Variants in RAD51B observed in about 807,000 individuals in gnomAD.
RAD51B encodes RAD51 paralog B, also known as DNA repair protein RAD51 homolog 2.
Under a neutral mutation model 42.2 loss-of-function variants are expected in RAD51B, and 38 were observed. The ratio of observed to expected loss-of-function variants is 0.90; its 90% confidence interval spans 0.70 to 1.18. RAD51B has a LOEUF of 1.18. RAD51B is among the 50% of genes most tolerant of loss of function. RAD51B has a pLI of 0.00. For missense variants in RAD51B, 373 were observed against 400.7 expected (o/e 0.93, Z 0.59); for synonymous variants, 154 against 145.2 (o/e 1.06, Z -0.43).
At chr14:68,408,478 C>T (rs984242812) in intron 8 of RAD51B, among the ~76,000 whole-genome samples, 1 of 152,124 alleles carries the variant, frequency 6.6e-6, no homozygotes, top group African/African-American at 2.4e-5. Flanking sequence ...GCGACAAAGG[C>T]GTAGAAACCA....
intron 7 of RAD51B, among the ~76,000 whole-genome samples, chr14:68,271,915 T>C (rs2081111883): frequency 6.6e-6 from 1 of 152,232 alleles, no homozygotes; most frequent in Non-Finnish European, 1.5e-5. Context: ...CTCCCAAATT[T>C]GCCATTTTCT....
At chr14:68,578,151 C>T (rs568996365) in intron 10 of RAD51B, among the ~76,000 whole-genome samples, 38 of 152,334 alleles carry the variant, frequency 2.5e-4, no homozygotes, top group African/African-American at 7.0e-4. Flanking sequence ...AATGGCTGGG[C>T]GCGGTGGCTC....
At chr14:68,115,542 T>TAAAAAAAA (rs368351598) in intron 7 of RAD51B, among the ~76,000 whole-genome samples, 3 of 67,988 alleles carry the variant, frequency 4.4e-5, no homozygotes, top group Admixed American at 1.7e-4. Context: ...ACTTAAAGTA[T>TAAAAAAAA]AAAAAAAAAA....
chr14:68,587,024 CA>C (rs112951347), intron 10 of RAD51B, among the ~76,000 whole-genome samples: 188 of 140,278 alleles, frequency 1.3e-3, no homozygotes, highest in Middle Eastern at 3.6e-3. Context: ...AACTCTGTCT[CA>C]AAAAAAAAAA....
chr14:68,452,293 G>A (rs2085576685), intron 9 of RAD51B, among the ~76,000 whole-genome samples: 2 of 152,134 alleles, frequency 1.3e-5, no homozygotes. Flanking sequence ...GCGCTAGATT[G>A]AAGTTACCAA....
chr14:68,680,021 GT>G lies in RAD51B; in HGVS notation c.*11+29173del, dbSNP rs142817018. Among the ~76,000 whole-genome samples the G allele has an allele frequency of 2.6e-5, 4 of 152,124 alleles. No homozygotes were observed. In the South Asian group the frequency reaches 6.2e-4, roughly 24 times the overall value. On this transcript the variant is annotated intron_variant, in intron 11 of 11. Transcript: ENST00000488612. ...AAAGACGCATTTTGGAACTTCACTG[GT>G]TTTTTTTCCATATGAGCCACTTTTT...
chr14:68,272,635 T>TTATATATATATATTTATA (rs1195340238), intron 7 of RAD51B, among the ~76,000 whole-genome samples: 1 of 19,850 alleles, frequency 5.0e-5, no homozygotes, highest in African/African-American at 2.1e-4. Context: ...TATAAACACT[T>TTATATATATATATTTATA]TATATATATA....
intron 10 of RAD51B, among the ~76,000 whole-genome samples, chr14:68,507,228 C>T (rs1885396394): frequency 6.6e-6 from 1 of 152,134 alleles, no homozygotes; most frequent in African/African-American, 2.4e-5. Context: ...TCCTTCATTG[C>T]TCCAGTGCTG....
intron 4 of RAD51B, among the ~76,000 whole-genome samples, chr14:67,859,945 C>T (rs186274459): frequency 2.2e-4 from 34 of 152,138 alleles, no homozygotes; most frequent in African/African-American, 7.5e-4. Flanking sequence ...CTCAGCCTCC[C>T]GAGGAGCTGG....
intron 5 of RAD51B, among the ~76,000 whole-genome samples, chr14:67,875,520 A>G (rs1322194827): frequency 6.6e-6 from 1 of 152,186 alleles, no homozygotes; most frequent in African/African-American, 2.4e-5. Flanking sequence ...ATTAAAGTTT[A>G]GATACAAAGA....
At chr14:68,634,353 TA>T (rs540648037) in intron 10 of RAD51B, among the ~76,000 whole-genome samples, 60 of 152,304 alleles carry the variant, frequency 3.9e-4, no homozygotes, top group Middle Eastern at 6.8e-3. Context: ...TTTTTGTACC[TA>T]AACCGAATGC....
chr14:67,869,042 A>C (rs976030947), intron 5 of RAD51B, among the ~76,000 whole-genome samples: 2 of 152,236 alleles, frequency 1.3e-5, no homozygotes, highest in African/African-American at 2.4e-5. Context: ...TCCTCCTCCA[A>C]AGGAACGCAG....
chr14:68,651,706 C>T (rs754753783), intron 11 of RAD51B, among the ~76,000 whole-genome samples: 2 of 151,962 alleles, frequency 1.3e-5, no homozygotes, highest in African/African-American at 2.4e-5. Flanking sequence ...TTGTAGGCTT[C>T]GCTTGGCACC....
intron 10 of RAD51B, among the ~76,000 whole-genome samples, chr14:68,559,120 C>CAT (rs532902022): frequency 2.1e-4 from 32 of 149,576 alleles, no homozygotes; most frequent in African/African-American, 4.2e-4. Context: ...TATATGTGTG[C>CAT]ATATATATAT....
At chr14:68,339,038 G>T (rs1234544967) in intron 8 of RAD51B, 2 of 663,628 alleles carry the variant, frequency 3.0e-6, no homozygotes, top group Non-Finnish European at 5.6e-6. Flanking sequence ...CAGCCAGCTC[G>T]ATGGGATCGA....
intron 7 of RAD51B, among the ~76,000 whole-genome samples, chr14:68,001,950 T>G (rs1358500034): frequency 6.6e-6 from 1 of 152,228 alleles, no homozygotes; most frequent in Non-Finnish European, 1.5e-5. Flanking sequence ...CTATCACTGA[T>G]GGACATTTAG....
intron 7 of RAD51B, among the ~76,000 whole-genome samples, chr14:67,974,647 A>G (rs1390160415): frequency 6.6e-6 from 1 of 152,190 alleles, no homozygotes; most frequent in Non-Finnish European, 1.5e-5. Context: ...ACTACAGTAC[A>G]TGAGACTTAT....
At chr14:68,268,430 A>T (rs1432946868) in intron 7 of RAD51B, among the ~76,000 whole-genome samples, 1 of 152,142 alleles carries the variant, frequency 6.6e-6, no homozygotes, top group Non-Finnish European at 1.5e-5. Context: ...GTTGGAAGAG[A>T]TTGAGTTTGC....
chr14:68,262,917 G>A (rs2080917690), intron 7 of RAD51B, among the ~76,000 whole-genome samples: 1 of 152,132 alleles, frequency 6.6e-6, no homozygotes, highest in Non-Finnish European at 1.5e-5. Context: ...AAATACTTAA[G>A]TTTACTTGTT....
Sources: allele counts gnomAD v4.1 joint callset (sites outside exome capture counted in the v4.1 genomes callset), GRCh38; gene constraint gnomAD v4.1.1; transcripts MANE v1.5; gene names NCBI Gene and HGNC (gene_info 2026-07-23, HGNC 2026-07-21).